The following HEATR6 variants were observed in gnomAD, a reference collection of about 807,000 sequenced individuals.
The protein encoded by HEATR6 is HEAT repeat containing 6.
In HEATR6, 106 loss-of-function variants were observed where a neutral mutation model predicts 132.8. The ratio of observed to expected loss-of-function variants is 0.80; its 90% CI spans 0.68 to 0.94. HEATR6 has a LOEUF of 0.94. Among genes scored for constraint, HEATR6 ranks in the 40% least tolerant of loss-of-function variants. The probability of loss-of-function intolerance (pLI) is 0.00; values close to 1 mark genes in which losing one functional copy is unlikely to be tolerated. For synonymous variants in HEATR6, 529 were observed against 537.8 expected (o/e 0.98, Z 0.23); for missense variants, 1,339 against 1,425.1 (o/e 0.94, Z 0.97).
Position 60,043,147 on chromosome 17 carries a change from G to A in HEATR6, c.*416C>T. 1 of 245,780 alleles carries A rather than the reference G, an allele frequency of 4.1e-6. No individual in the cohort carries two copies. 15.2% of individuals were successfully genotyped at this position (245,780 alleles called of 1,614,324 possible). ...TGGCTGAACTGCAGCTCTGCTTGCA[G>A]CTTGCTAGAAATACAACTTGGTAAC... On this transcript the variant is annotated 3_prime_UTR_variant, in exon 20 of 20. Coordinates refer to ENST00000184956, the MANE Select transcript of HEATR6 (RefSeq NM_022070.5).
chr17:60,061,600 T>C lies in HEATR6; in HGVS notation c.1417-1504A>G, dbSNP rs149590266. 1.5e-4 allele frequency among the ~76,000 whole-genome samples: 23 copies of C among 152,366 alleles called. No individual in the cohort carries two copies. The East Asian group carries it at 1.7e-3, about 11-fold the overall frequency. ...CAACTCTGTGATTGTAGCATAGACA[T>C]GTAAAGGAATAAACGTGGTTGCGTT... On this transcript the variant is annotated intron_variant, in intron 9 of 19. Coordinates refer to ENST00000184956, the MANE Select transcript of HEATR6 (RefSeq NM_022070.5).
In HEATR6 at chr17:60,050,859, G is replaced by A; in HGVS notation, c.2408C>T (p.Ala803Val). Reference protein sequence around the residue: ...CDALSSILPEAFSNLPNDRQM... With the variant: ...CDALSSILPEVFSNLPNDRQM... Reference sequence around the variant, plus strand: ...TCACATTACCGGCAGATTGCTGAAGGCCTCTGGCAAGATGGAAGACAGGGC... The same window carrying A: ...TCACATTACCGGCAGATTGCTGAAGACCTCTGGCAAGATGGAAGACAGGGC... The change falls in exon 15 of 20, where the codon GCC (alanine) becomes GTC (valine). Residue 803 changes from alanine to valine, a missense_variant. Transcript: ENST00000184956. 6.2e-7 allele frequency: 1 copy of A among 1,614,192 alleles called. No individual in the cohort carries two copies.
chr17:60,065,652 A>G (rs542402124), intron 9 of HEATR6, among the ~76,000 whole-genome samples: 29 of 152,340 alleles, frequency 1.9e-4, no homozygotes, highest in African/African-American at 6.3e-4. Flanking sequence ...CTTCTTTTTA[A>G]AAATAAGTTT....
chr17:60,059,877 G>A lies in HEATR6; in HGVS notation c.1623+13C>T, dbSNP rs769616372. 2.4e-5 allele frequency: 38 copies of A among 1,603,910 alleles called. No individual in the cohort carries two copies. Among genetic ancestry groups the A allele is most frequent in the Middle Eastern group, 1.6e-4 (1 of 6,062 alleles). On this transcript the variant is annotated intron_variant, in intron 10 of 19. Coordinates refer to ENST00000184956, the MANE Select transcript of HEATR6 (RefSeq NM_022070.5). ...AGAGAAGCCTGCTCTGGAACCCACA[G>A]TTGGTACATTACCTTAATTATCTGA...
rs1379972071 is a variant in HEATR6, at chr17:60,046,084, A to T, written c.2915T>A (p.Val972Asp). 6.2e-7 allele frequency: 1 copy of T among 1,614,116 alleles called. No individual in the cohort carries two copies. The highest frequency in any genetic ancestry group is 8.5e-7 in the Non-Finnish European group (1 of 1,180,006). The change falls in exon 19 of 20, where the codon GTC becomes GAC. Residue 972 changes from valine (V) to aspartate (D), a missense_variant. Val to Asp is a radical substitution (Grantham distance 152). Coordinates refer to ENST00000184956, the MANE Select transcript of HEATR6 (RefSeq NM_022070.5). ...CATTGCATAACAAGCATTCCATCGG[A>T]CTTTCATGGCAGCTTCTGTTAGAAC... ...STVLTEAAMK[V>D]RWNACYAMGN... is the part of the protein sequence containing the mutation.
At chr17:60,046,317 G>T in intron 18 of HEATR6, 88 bp from the exon 19 acceptor site, 1 of 985,372 alleles carries the variant, frequency 1.0e-6, no homozygotes, top group South Asian at 1.7e-5. Flanking sequence ...AACCCAGGAG[G>T]TCTTCAACTT....
chr17:60,068,972 G>A (rs957196056), intron 7 of HEATR6, among the ~76,000 whole-genome samples: 5 of 152,186 alleles, frequency 3.3e-5, no homozygotes, highest in African/African-American at 7.2e-5. Context: ...TTAGCACAGC[G>A]TCTGGAACAC....
chr17:60,061,230 C>A (rs1411925208), intron 9 of HEATR6, among the ~76,000 whole-genome samples: 1 of 152,122 alleles, frequency 6.6e-6, no homozygotes, highest in Non-Finnish European at 1.5e-5. Flanking sequence ...AAGGTTTTCC[C>A]AAAAGCCTTC....
intron 14 of HEATR6, among the ~76,000 whole-genome samples, chr17:60,054,716 A>C (rs1906688743): frequency 6.6e-6 from 1 of 152,230 alleles, no homozygotes; most frequent in Non-Finnish European, 1.5e-5. Context: ...CTTAAAAATC[A>C]GTAACTTGTT....
At position 60,057,382 on chromosome 17, in the gene HEATR6, C is replaced by G. The variant is rs749038552; in HGVS notation, c.1745G>C (p.Ser582Thr). The change falls in exon 12 of 20, where the codon AGT becomes ACT. Residue 582 changes from serine to threonine, a missense_variant. By Grantham distance (58) the Ser-to-Thr change is moderately conservative. Coordinates refer to ENST00000184956, the MANE Select transcript of HEATR6 (RefSeq NM_022070.5). ...CACTATAGCTCCCAAGAGTGTGAGA[C>G]TTGACACACGAACATTAACATCTGT... ...RHKDVNVRVS[S>T]LTLLGAIVST... 1 of 1,599,380 alleles carries G rather than the reference C, an allele frequency of 6.3e-7. No homozygotes were observed. The highest frequency in any genetic ancestry group is 1.7e-5 in the Admixed American group (1 of 58,788).
rs200222461 is a variant in HEATR6, at chr17:60,072,203, T to C, written c.699+12A>G. 253 of 1,389,260 alleles carry C rather than the reference T, an allele frequency of 1.8e-4. No individual in the cohort carries two copies. The highest frequency in any genetic ancestry group is 1.4e-3 in the Middle Eastern group (8 of 5,556). The allele number at this position is 1,389,260 out of a possible 1,614,324, so 86.1% of individuals were successfully genotyped here. On this transcript the variant is annotated intron_variant, in intron 5 of 19. Transcript: ENST00000184956. ...TCCGCAACATTCACTACGTCAATGATAGTCCACTTACCATGCAAAATGTGA... is the reference window on the plus strand; with the variant it reads ...TCCGCAACATTCACTACGTCAATGACAGTCCACTTACCATGCAAAATGTGA...
In HEATR6 at chr17:60,046,269, A is replaced by G. The variant is rs763622115; in HGVS notation, c.2770-40T>C. 2.7e-6 allele frequency: 4 copies of G among 1,503,026 alleles called. No individual in the cohort carries two copies. In the South Asian group the frequency reaches 4.9e-5, roughly 18 times the overall value. 93.1% of individuals were successfully genotyped at this position (1,503,026 alleles called of 1,614,324 possible). On this transcript the variant is annotated intron_variant, in intron 18 of 19. Coordinates refer to ENST00000184956, the MANE Select transcript of HEATR6 (RefSeq NM_022070.5). ...AATGCTTTAGAAATCTGTTTGGCCA[A>G]AGAGATGTTTCCAAAAGTCTAATTT... is the stretch of plus-strand genomic sequence containing the variant.
rs954549221 is a variant in HEATR6 at position 60,066,992 on chromosome 17, C to T, written c.1238+442G>A. On this transcript the variant is annotated intron_variant, in intron 8 of 19. Coordinates refer to ENST00000184956, the MANE Select transcript of HEATR6 (RefSeq NM_022070.5). ...TGGCAGATCAAGAGAACAAGTCGGC[C>T]GGGCGCGGTGGCTCACGCCTGTAAT... Among the ~76,000 whole-genome samples, 9 of 152,132 alleles carry T rather than the reference C, an allele frequency of 5.9e-5. No homozygotes were observed. The East Asian group carries it at 1.5e-3, about 26-fold the overall frequency.
chr17:60,078,667 G>A, intron 1 of HEATR6, 29 bp downstream of exon 1: 1 of 1,519,572 alleles, frequency 6.6e-7, no homozygotes. Flanking sequence ...GTGGGGCCGG[G>A]GCCGGGGCCA....
At chr17:60,069,900 T>C (rs1353809315) in intron 6 of HEATR6, 52 bp from the exon 7 acceptor site, 14 of 1,597,024 alleles carry the variant, frequency 8.8e-6, no homozygotes, top group African/African-American at 2.7e-5. Flanking sequence ...AAAAAAACCA[T>C]TAATCATAAA....
chr17:60,065,540 G>A (rs1597953720), intron 9 of HEATR6, among the ~76,000 whole-genome samples: 1 of 152,186 alleles, frequency 6.6e-6, no homozygotes, highest in African/African-American at 2.4e-5. Flanking sequence ...TTGGTTAAGT[G>A]GCTAAATTCT....
chr17:60,059,949 A>G lies in HEATR6; in HGVS notation c.1564T>C (p.Cys522Arg). ...IACSIRELHR[C>R]LLLALVAESS... is the part of the protein sequence containing the mutation. ...TCCGCCACCAAAGCTAACAAAAGACATCTGTGCAACTCTCTAATGCTGCAA... is the reference window on the plus strand; with the variant it reads ...TCCGCCACCAAAGCTAACAAAAGACGTCTGTGCAACTCTCTAATGCTGCAA... The change falls in exon 10 of 20, where the codon TGT becomes CGT. Residue 522 changes from cysteine (C) to arginine (R), a missense_variant. Transcript: ENST00000184956. The G allele has an allele frequency of 6.2e-7, 1 of 1,613,922 alleles. No individual in the cohort carries two copies. Among genetic ancestry groups the G allele is most frequent in the Non-Finnish European group, 8.5e-7 (1 of 1,179,826 alleles).
chr17:60,057,710 T>G (rs1906790287), intron 11 of HEATR6, among the ~76,000 whole-genome samples: 1 of 152,140 alleles, frequency 6.6e-6, no homozygotes, highest in Admixed American at 6.5e-5. Flanking sequence ...AAAAGATGGG[T>G]GGGGGGACTC....
chr17:60,061,536 T>C (rs1160970733), intron 9 of HEATR6, among the ~76,000 whole-genome samples: 1 of 152,250 alleles, frequency 6.6e-6, no homozygotes, highest in Middle Eastern at 3.2e-3. Context: ...AAACATTTTA[T>C]ATTTTAGACT....
Sources: allele counts gnomAD v4.1 joint callset (sites outside exome capture counted in the v4.1 genomes callset), GRCh38; gene constraint gnomAD v4.1.1; transcripts MANE v1.5; gene names NCBI Gene and HGNC (gene_info 2026-07-23, HGNC 2026-07-21).